FGF10: variants seen among roughly 807,000 people sequenced by gnomAD.
FGF10 encodes the protein FGF-10.
Under a neutral mutation model 19.8 loss-of-function variants are expected in FGF10, and 2 were observed. The ratio of observed to expected loss-of-function variants is 0.10; its 90% CI spans 0.04 to 0.32. The LOEUF (loss-of-function observed/expected upper bound fraction) is 0.32, where lower values mean the gene tolerates loss of function less well. Among genes scored for constraint, FGF10 ranks in the 10% least tolerant of loss-of-function variants. FGF10 has a pLI of 1.00. For synonymous variants in FGF10, 112 were observed against 94.0 expected, an observed-to-expected ratio of 1.19 and a Z score of -1.10; for missense variants, 191 against 246.3, an observed-to-expected ratio of 0.78 and a Z score of 1.50.
intron 1 of FGF10, among the ~76,000 whole-genome samples, chr5:44,342,103 A>G (rs1196667389): frequency 6.6e-6 from 1 of 151,988 alleles, no homozygotes; most frequent in African/African-American, 2.4e-5. Flanking sequence ...GAAGTTAGTA[A>G]ATTTTTATTC....
intron 1 of FGF10, among the ~76,000 whole-genome samples, chr5:44,351,826 A>C (rs1741240123): frequency 6.6e-6 from 1 of 151,668 alleles, no homozygotes; most frequent in Non-Finnish European, 1.5e-5. Context: ...GATAAACAAC[A>C]GTTACATTCC....
In FGF10 at chr5:44,304,346, T is replaced by A. The variant is rs1740025948; in HGVS notation, c.*649A>T. 1 of 152,460 alleles carries A rather than the reference T, an allele frequency of 6.6e-6. No homozygotes were observed. The highest frequency in any genetic ancestry group is 1.5e-5 in the Non-Finnish European group (1 of 68,280). 9.4% of individuals were successfully genotyped at this position (152,460 alleles called of 1,614,324 possible). Reference sequence around the variant, plus strand: ...ACTCTTTAAAACCCCAAAAGATATTTAACATCCTATTAAATAAATAACTTA... The same window carrying A: ...ACTCTTTAAAACCCCAAAAGATATTAAACATCCTATTAAATAAATAACTTA... On this transcript the variant is annotated 3_prime_UTR_variant, in exon 3 of 3. Coordinates refer to ENST00000264664, the MANE Select transcript of FGF10 (RefSeq NM_004465.2).
chr5:44,349,257 T>C (rs923649770), intron 1 of FGF10, among the ~76,000 whole-genome samples: 1 of 150,194 alleles, frequency 6.7e-6, no homozygotes, highest in Non-Finnish European at 1.5e-5. Flanking sequence ...TTCAGCCATC[T>C]CATCTGTCTT....
rs528934393 is a variant in FGF10, at chr5:44,381,039, T to C, written c.325+7319A>G. Reference sequence around the variant, plus strand: ...AAATGGCAAAGTAGCTAGTAAGTGTTATGTATGCAAATAATTTAAAAGAAA... The same window carrying C: ...AAATGGCAAAGTAGCTAGTAAGTGTCATGTATGCAAATAATTTAAAAGAAA... On this transcript the variant is annotated intron_variant, in intron 1 of 2. Coordinates refer to ENST00000264664, the MANE Select transcript of FGF10 (RefSeq NM_004465.2). 1.3e-4 allele frequency among the ~76,000 whole-genome samples: 20 copies of C among 152,294 alleles called. No individual in the cohort carries two copies. In the South Asian group the frequency reaches 3.9e-3, roughly 30 times the overall value.
chr5:44,353,217 T>C (rs958507554), intron 1 of FGF10, among the ~76,000 whole-genome samples: 2 of 151,628 alleles, frequency 1.3e-5, no homozygotes, highest in Non-Finnish European at 3.0e-5. Context: ...CTCTTCAATA[T>C]CCATGTAAGA....
At chr5:44,358,346 A>T (rs929915295) in intron 1 of FGF10, among the ~76,000 whole-genome samples, 2 of 151,498 alleles carry the variant, frequency 1.3e-5, no homozygotes, top group African/African-American at 2.4e-5. Context: ...GGGGCACATA[A>T]TCTTAAATTA....
rs869035955 is a variant in FGF10, at chr5:44,349,422, TTA to T, written c.326-38894_326-38893del. ...CTAAGAAAATGGGAAAGCATTTTCTTTATATATATATATATATATATATATAT... is the reference window on the plus strand; with the variant it reads ...CTAAGAAAATGGGAAAGCATTTTCTTTATATATATATATATATATATATAT... On this transcript the variant is annotated intron_variant, in intron 1 of 2. Transcript: ENST00000264664. Among the ~76,000 whole-genome samples the T allele has an allele frequency of 1.3e-3, 54 of 41,420 alleles. 1 individual carries two copies. The highest frequency in any genetic ancestry group is 4.7e-3 in the African/African-American group (50 of 10,550). 27.2% of individuals were successfully genotyped at this position (41,420 alleles called of 152,430 possible). A position where few individuals can be genotyped will look rare whatever the true frequency, so the allele number is the denominator to read the frequency against.
chr5:44,348,237 A>G lies in FGF10; in HGVS notation c.326-37707T>C, dbSNP rs1741131802. Reference sequence around the variant, plus strand: ...TATAAAGGTGGGTTAACAGTGAGTTATTAAAAATATAATTTGCTTTTGTGA... The same window carrying G: ...TATAAAGGTGGGTTAACAGTGAGTTGTTAAAAATATAATTTGCTTTTGTGA... On this transcript the variant is annotated intron_variant, in intron 1 of 2. Coordinates refer to ENST00000264664, the MANE Select transcript of FGF10 (RefSeq NM_004465.2). 4.0e-5 allele frequency among the ~76,000 whole-genome samples: 6 copies of G among 151,714 alleles called. No homozygotes were observed. The South Asian group carries it at 1.2e-3, about 31-fold the overall frequency.
In FGF10 at chr5:44,326,958, C is replaced by G. The variant is rs1232087804; in HGVS notation, c.326-16428G>C. Among the ~76,000 whole-genome samples the G allele has an allele frequency of 4.6e-5, 7 of 152,192 alleles. No individual in the cohort carries two copies. The East Asian group carries it at 1.4e-3, about 30-fold the overall frequency. On this transcript the variant is annotated intron_variant, in intron 1 of 2. Coordinates refer to ENST00000264664, the MANE Select transcript of FGF10 (RefSeq NM_004465.2). ...CACTACAGGAAAAGGGAAGCTGTTC[C>G]TCTGTTGGCAGGTATTCCCTATTTA... is the stretch of plus-strand genomic sequence containing the variant.
At chr5:44,386,921 C>T (rs1338807131) in intron 1 of FGF10, among the ~76,000 whole-genome samples, 1 of 152,156 alleles carries the variant, frequency 6.6e-6, no homozygotes, top group African/African-American at 2.4e-5. Context: ...AACTGTCATT[C>T]CCATTAGTAC....
intron 1 of FGF10, among the ~76,000 whole-genome samples, chr5:44,349,449 T>TCAGA (rs1482766365): frequency 0.013 from 208 of 15,772 alleles, 2 homozygotes; most frequent in Middle Eastern, 0.043. Context: ...TATATATATA[T>TCAGA]ATATATATAT....
At chr5:44,370,439 C>T (rs1741718420) in intron 1 of FGF10, among the ~76,000 whole-genome samples, 1 of 152,086 alleles carries the variant, frequency 6.6e-6, no homozygotes, top group South Asian at 2.1e-4. Context: ...GCTCTTTGTG[C>T]TCAAGGTAAT....
intron 1 of FGF10, among the ~76,000 whole-genome samples, chr5:44,372,526 T>C (rs1238038294): frequency 2.0e-5 from 3 of 152,176 alleles, no homozygotes; most frequent in Admixed American, 6.5e-5. Flanking sequence ...TGGCCATTAT[T>C]CAGCCTTCTG....
intron 1 of FGF10, among the ~76,000 whole-genome samples, chr5:44,361,764 A>G (rs1741487580): frequency 6.6e-6 from 1 of 151,608 alleles, no homozygotes; most frequent in African/African-American, 2.4e-5. Context: ...ATTTTCTGTA[A>G]GTTTGCTTGA....
chr5:44,332,375 C>CT (rs1215194358), intron 1 of FGF10, among the ~76,000 whole-genome samples: 9 of 152,264 alleles, frequency 5.9e-5, no homozygotes, highest in African/African-American at 2.2e-4. Context: ...TTATACTATG[C>CT]TAGTGCCATG....
rs987367595 is a variant in FGF10 at position 44,303,775 on chromosome 5, T to G, written c.*1220A>C. On this transcript the variant is annotated 3_prime_UTR_variant, in exon 3 of 3. Coordinates refer to ENST00000264664, the MANE Select transcript of FGF10 (RefSeq NM_004465.2). ...ACACATATACCAGTATATATTTGAT[T>G]TGCTCAGTTTAAGCCCCTGGGAGAG... The G allele has an allele frequency of 6.6e-6, 1 of 152,176 alleles. No homozygotes were observed. Among genetic ancestry groups the G allele is most frequent in the Non-Finnish European group, 1.5e-5 (1 of 68,026 alleles). The allele number at this position is 152,176 out of a possible 1,614,324, so 9.4% of individuals were successfully genotyped here.
intron 1 of FGF10, among the ~76,000 whole-genome samples, chr5:44,385,497 A>T (rs1742077194): frequency 6.6e-6 from 1 of 152,210 alleles, no homozygotes; most frequent in Non-Finnish European, 1.5e-5. Flanking sequence ...CTCTTAGATA[A>T]GCTGTTACTG....
chr5:44,338,033 A>T, intron 1 of FGF10, among the ~76,000 whole-genome samples: 1 of 152,058 alleles, frequency 6.6e-6, no homozygotes, highest in East Asian at 1.9e-4. Flanking sequence ...TAAATAAATT[A>T]TTATTCTAAC....
intron 1 of FGF10, among the ~76,000 whole-genome samples, chr5:44,374,388 G>A (rs1741809136): frequency 2.0e-5 from 3 of 152,070 alleles, no homozygotes; most frequent in Admixed American, 2.0e-4. Flanking sequence ...AACATTCACA[G>A]GTTCCAGGAT....
Sources: gnomAD v4.1 joint callset for allele counts (sites outside exome capture counted in the v4.1 genomes callset) on GRCh38, gnomAD v4.1.1 for gene constraint, MANE v1.5 for transcripts, NCBI Gene and HGNC (gene_info 2026-07-23, HGNC 2026-07-21) for gene names.